The following SPTBN1 variants were observed in gnomAD, a reference collection of about 807,000 sequenced individuals.
The protein encoded by SPTBN1 is spectrin beta chain, non-erythrocytic 1.
In SPTBN1, 32 loss-of-function variants were observed where a neutral mutation model predicts 266.4. The observed-to-expected ratio is 0.12, with a 90% CI of 0.09 to 0.16. The LOEUF (loss-of-function observed/expected upper bound fraction) is 0.16, where lower values mean the gene tolerates loss of function less well. Among genes scored for constraint, SPTBN1 ranks in the 10% least tolerant of loss-of-function variants. The pLI, the probability that SPTBN1 is intolerant of heterozygous loss-of-function variation, is 1.00. For missense variants in SPTBN1, 2,296 were observed against 3,067.1 expected, an observed-to-expected ratio of 0.75 and a Z score of 5.94; for synonymous variants, 1,336 against 1,162.2, an observed-to-expected ratio of 1.15 and a Z score of -3.04.
Position 54,669,481 on chromosome 2 carries a change from C to T in SPTBN1, c.*912C>T, listed in dbSNP as rs1180802099. The T allele has an allele frequency of 6.6e-6, 1 of 152,588 alleles. No homozygotes were observed. The highest frequency in any genetic ancestry group is 1.5e-5 in the Non-Finnish European group (1 of 68,030). 9.5% of individuals were successfully genotyped at this position (152,588 alleles called of 1,614,324 possible). On this transcript the variant is annotated 3_prime_UTR_variant, in exon 36 of 36. Coordinates refer to ENST00000356805, the MANE Select transcript of SPTBN1 (RefSeq NM_003128.3). ...TGATACATAGTGTGCATTTCTCTGT[C>T]ACTGTAACTATTGTAATGACAAATT...
At chr2:54,474,073 A>G (rs899522238) in intron 1 of SPTBN1, among the ~76,000 whole-genome samples, 3 of 152,196 alleles carry the variant, frequency 2.0e-5, no homozygotes, top group Non-Finnish European at 2.9e-5. Context: ...TGAGGCCCAC[A>G]TGGAAGTTCA....
intron 26 of SPTBN1, among the ~76,000 whole-genome samples, chr2:54,651,164 T>C (rs779102762): frequency 6.6e-6 from 1 of 152,200 alleles, no homozygotes; most frequent in Non-Finnish European, 1.5e-5. Flanking sequence ...CTTGACAACA[T>C]AGGTCTTTCC....
chr2:54,499,464 G>C lies in SPTBN1; in HGVS notation c.-47-26908G>C, dbSNP rs143112469. ...GATTTGACAAGAAATGGACATAATGGAGGAAGGTGACTGGTTGTTTGCGTG... is the reference window on the plus strand; with the variant it reads ...GATTTGACAAGAAATGGACATAATGCAGGAAGGTGACTGGTTGTTTGCGTG... On this transcript the variant is annotated intron_variant, in intron 1 of 35. Coordinates refer to ENST00000356805, the MANE Select transcript of SPTBN1 (RefSeq NM_003128.3). 1.8e-4 allele frequency among the ~76,000 whole-genome samples: 27 copies of C among 152,310 alleles called. No individual in the cohort carries two copies. In the East Asian group the frequency reaches 5.2e-3, roughly 29 times the overall value.
intron 12 of SPTBN1, among the ~76,000 whole-genome samples, chr2:54,627,617 A>G (rs888329708): frequency 2.0e-5 from 3 of 152,266 alleles, no homozygotes; most frequent in Non-Finnish European, 2.9e-5. Context: ...ACATTCACTT[A>G]CAGGCTCAGC....
In SPTBN1 at chr2:54,626,353, C is replaced by T; in HGVS notation, c.1644+119C>T. The T allele has an allele frequency of 1.6e-6, 2 of 1,258,590 alleles. No individual in the cohort carries two copies. The highest frequency in any genetic ancestry group is 2.2e-6 in the Non-Finnish European group (2 of 922,534). The allele number at this position is 1,258,590 out of a possible 1,614,324, so 78.0% of individuals were successfully genotyped here. ...TGCCTTGTCTAACTGCCCACATGTA[C>T]AGCTAGAGAGGAGCCACATCACCCA... On this transcript the variant is annotated intron_variant, in intron 12 of 35. Transcript: ENST00000356805. This position sits in a 1 kb window ranked among gnomAD's most constrained non-coding sequence, Gnocchi z 4.7.
intron 1 of SPTBN1, among the ~76,000 whole-genome samples, chr2:54,500,779 C>A (rs1275207469): frequency 6.6e-6 from 1 of 152,210 alleles, no homozygotes; most frequent in Non-Finnish European, 1.5e-5. Flanking sequence ...CTCAAGGGAT[C>A]TGCCTGCCTT....
chr2:54,472,026 T>TTTG (rs1693952442), intron 1 of SPTBN1, among the ~76,000 whole-genome samples: 1 of 109,930 alleles, frequency 9.1e-6, no homozygotes, highest in Non-Finnish European at 1.8e-5. Flanking sequence ...GAAGATGTTT[T>TTTG]TTTTTTTTTT....
intron 1 of SPTBN1, among the ~76,000 whole-genome samples, chr2:54,518,441 C>A (rs1670240331): frequency 7.7e-6 from 1 of 129,238 alleles, no homozygotes; most frequent in African/African-American, 3.2e-5. Flanking sequence ...TCCACTAGAA[C>A]CTAAAGTATA....
chr2:54,526,387 C>T lies in SPTBN1; in HGVS notation c.-32C>T, dbSNP rs563019796. 1.9e-6 allele frequency: 3 copies of T among 1,610,354 alleles called. No homozygotes were observed. Among genetic ancestry groups the T allele is most frequent in the Admixed American group, 1.7e-5 (1 of 59,424 alleles). On this transcript the variant is annotated 5_prime_UTR_variant, in exon 2 of 36. Coordinates refer to ENST00000356805, the MANE Select transcript of SPTBN1 (RefSeq NM_003128.3). ...TTTCTCATAGAACTCTAAGAAGGAGCTGATGTGGAGGAGCAGCTGAGACAG... is the reference window on the plus strand; with the variant it reads ...TTTCTCATAGAACTCTAAGAAGGAGTTGATGTGGAGGAGCAGCTGAGACAG...
intron 27 of SPTBN1, among the ~76,000 whole-genome samples, chr2:54,654,397 G>T (rs954099476): frequency 6.6e-6 from 1 of 152,162 alleles, no homozygotes; most frequent in Admixed American, 6.5e-5. Flanking sequence ...GTGAAGAGAA[G>T]TTAATAGAGG....
intron 1 of SPTBN1, among the ~76,000 whole-genome samples, chr2:54,480,111 G>A (rs998788995): frequency 6.6e-6 from 1 of 152,174 alleles, no homozygotes; most frequent in Non-Finnish European, 1.5e-5. Flanking sequence ...ACGTGTATAT[G>A]TGGCACTTAA....
At chr2:54,650,154 T>G (rs997680885) in intron 26 of SPTBN1, among the ~76,000 whole-genome samples, 165 bp downstream of exon 26, 8 of 152,226 alleles carry the variant, frequency 5.3e-5, no homozygotes, top group African/African-American at 1.9e-4. Flanking sequence ...GGAGAACTTA[T>G]CAGTCCATAA....
intron 1 of SPTBN1, among the ~76,000 whole-genome samples, chr2:54,467,015 C>T (rs1173981841): frequency 6.6e-6 from 1 of 151,892 alleles, no homozygotes; most frequent in East Asian, 1.9e-4. Context: ...CGAGAGAGCG[C>T]CTGACAGAAA....
In SPTBN1 at chr2:54,629,991, G is replaced by A; in HGVS notation, c.2769G>A (p.Glu923=). ...RQLMHSGHPS[E]KEIKAQQDKL... ...TGATGCACAGCGGCCACCCAAGTGA[G>A]AAGGAAATCAAAGCCCAGCAGGACA... is the stretch of plus-strand genomic sequence containing the variant. Residue 923 remains glutamate, a synonymous_variant, in exon 15 of 36, where the codon GAG becomes GAA. Transcript: ENST00000356805. The A allele has an allele frequency of 6.2e-7, 1 of 1,614,154 alleles. No individual in the cohort carries two copies. Among genetic ancestry groups the A allele is most frequent in the South Asian group, 1.1e-5 (1 of 91,080 alleles).
At chr2:54,547,370 G>A (rs899463787) in intron 2 of SPTBN1, among the ~76,000 whole-genome samples, 1 of 152,114 alleles carries the variant, frequency 6.6e-6, no homozygotes, top group African/African-American at 2.4e-5. Flanking sequence ...TCCATTGATG[G>A]ACATTAGAGT....
At chr2:54,643,522 T>C (rs996278762) in intron 19 of SPTBN1, among the ~76,000 whole-genome samples, 1 of 152,216 alleles carries the variant, frequency 6.6e-6, no homozygotes, top group African/African-American at 2.4e-5. Flanking sequence ...AAATTGCTTT[T>C]TCCTATGAGA....
chr2:54,497,280 A>G (rs1669017510), intron 1 of SPTBN1, among the ~76,000 whole-genome samples: 1 of 152,262 alleles, frequency 6.6e-6, no homozygotes, highest in Non-Finnish European at 1.5e-5. Context: ...TGTTACAGGT[A>G]TTATATTGGC....
At position 54,622,495 on chromosome 2, in the gene SPTBN1, G is replaced by A. The variant is rs376328951; in HGVS notation, c.1064+8G>A. The A allele has an allele frequency of 6.2e-7, 1 of 1,612,928 alleles. No homozygotes were observed. The highest frequency in any genetic ancestry group is 1.3e-5 in the African/African-American group (1 of 74,900). On this transcript the variant is annotated splice_region_variant and intron_variant, in intron 9 of 35. Transcript: ENST00000356805. Reference sequence around the variant, plus strand: ...TGTGGAGAAACCACCCAAGTAAGATGCATATTGTAGTGTGATCATTAATAT... The same window carrying A: ...TGTGGAGAAACCACCCAAGTAAGATACATATTGTAGTGTGATCATTAATAT...
chr2:54,459,507 A>G (rs2103779128), intron 1 of SPTBN1, among the ~76,000 whole-genome samples: 1 of 152,356 alleles, frequency 6.6e-6, no homozygotes, highest in African/African-American at 2.4e-5. Flanking sequence ...GCTAACATAG[A>G]CATGATTAGT....
Sources: allele counts gnomAD v4.1 joint callset (sites outside exome capture counted in the v4.1 genomes callset), GRCh38; gene constraint gnomAD v4.1.1; non-coding constraint Gnocchi (gnomAD v3.1); transcripts MANE v1.5; gene names NCBI Gene and HGNC (gene_info 2026-07-23, HGNC 2026-07-21).